RNF19B: variants seen among roughly 807,000 people sequenced by gnomAD.
RNF19B encodes E3 ubiquitin-protein ligase RNF19B.
A neutral mutation model predicts 65.5 loss-of-function variants in RNF19B; 23 were observed. That is an observed-to-expected ratio of 0.35 (90% confidence interval 0.25 to 0.50). The LOEUF is 0.50. Among genes scored for constraint, RNF19B ranks in the 20% least tolerant of loss-of-function variants. The probability of loss-of-function intolerance (pLI) is 0.98; values close to 1 mark genes in which losing one functional copy is unlikely to be tolerated. For synonymous variants in RNF19B, 372 were observed against 379.6 expected, an observed-to-expected ratio of 0.98 and a Z score of 0.23; for missense variants, 794 against 980.0, an observed-to-expected ratio of 0.81 and a Z score of 2.53.
downstream of RNF19B, among the ~76,000 whole-genome samples, chr1:32,933,329 A>G (rs1281273409): frequency 6.6e-6 from 1 of 151,252 alleles, no homozygotes; most frequent in Non-Finnish European, 1.5e-5. Flanking sequence ...ATCTCAGCTC[A>G]CTGCAAGCTT....
At chr1:32,956,475 G>A (rs1394264784) in intron 1 of RNF19B, among the ~76,000 whole-genome samples, 1 of 152,174 alleles carries the variant, frequency 6.6e-6, no homozygotes, top group African/African-American at 2.4e-5. Flanking sequence ...GGCTGAGGTG[G>A]GAGGATCACC....
rs375806177 is a variant in RNF19B at position 32,947,658 on chromosome 1, T to TA, written c.983+563dup. On this transcript the variant is annotated intron_variant, in intron 3 of 8. Coordinates refer to ENST00000235150, the MANE Select transcript of RNF19B (RefSeq NM_001300826.2). ...TGGGCGACAGAGAGAAACTCTGTCT[T>TA]AAAAAAAAAAAAAAAAAGAATTCAC... Among the ~76,000 whole-genome samples the TA allele has an allele frequency of 8.6e-3, 1,082 of 125,708 alleles. 7 individuals carry two copies. The highest frequency in any genetic ancestry group is 0.024 in the African/African-American group (830 of 33,918). 82.5% of individuals were successfully genotyped at this position (125,708 alleles called of 152,430 possible).
At position 32,948,379 on chromosome 1, in the gene RNF19B, G is replaced by T; in HGVS notation, c.842-16C>A. ...TTGATGTCATCTGCTATGAGTGGGG[G>T]AAGAATGGGTAGAAAAAATACCCCT... On this transcript the variant is annotated splice_polypyrimidine_tract_variant and intron_variant, in intron 2 of 8. Coordinates refer to ENST00000235150, the MANE Select transcript of RNF19B (RefSeq NM_001300826.2). 1 of 1,607,364 alleles carries T rather than the reference G, an allele frequency of 6.2e-7. No homozygotes were observed. The highest frequency in any genetic ancestry group is 8.5e-7 in the Non-Finnish European group (1 of 1,175,346).
intron 7 of RNF19B, among the ~76,000 whole-genome samples, chr1:32,941,798 T>C (rs971588388): frequency 2.0e-5 from 3 of 150,670 alleles, no homozygotes; most frequent in African/African-American, 7.3e-5. Flanking sequence ...TTCCTATTTG[T>C]AAAAGTAAAA....
chr1:32,960,036 G>A (rs1007658671), intron 1 of RNF19B, among the ~76,000 whole-genome samples: 3 of 151,530 alleles, frequency 2.0e-5, no homozygotes, highest in African/African-American at 4.8e-5. Flanking sequence ...GGGTGACAGA[G>A]CGAGACTCCG....
Position 32,941,203 on chromosome 1 carries a change from A to G in RNF19B, c.1610+1049T>C, listed in dbSNP as rs187590764. Among the ~76,000 whole-genome samples the G allele has an allele frequency of 7.4e-4, 113 of 152,026 alleles. 1 individual carries two copies. Among genetic ancestry groups the G allele is most frequent in the East Asian group, 3.9e-4 (2 of 5,174 alleles). On this transcript the variant is annotated intron_variant, in intron 7 of 8. Transcript: ENST00000235150. ...GTGCCACTGCATTCCAGCCTGGATG[A>G]CACAGTGAGAAAAAAAACAAAAAAA...
Position 32,964,444 on chromosome 1 carries a change from G to A in RNF19B, c.242C>T (p.Pro81Leu), listed in dbSNP as rs1406742467. The A allele has an allele frequency of 4.6e-6, 5 of 1,094,422 alleles. No individual in the cohort carries two copies. The highest frequency in any genetic ancestry group is 7.8e-4 in the Middle Eastern group (2 of 2,574). The allele number at this position is 1,094,422 out of a possible 1,614,324, so 67.8% of individuals were successfully genotyped here. A position where few individuals can be genotyped will look rare whatever the true frequency, so the allele number is the denominator to read the frequency against. The change falls in exon 1 of 9, where the codon CCC (proline) becomes CTC (leucine). Residue 81 changes from proline to leucine, a missense_variant. Around this residue, in one of 3 missense-constraint regions of RNF19B, gnomAD observed 374 missense variants for 423.8 expected, o/e 0.88. Coordinates refer to ENST00000235150, the MANE Select transcript of RNF19B (RefSeq NM_001300826.2). The surrounding 1 kb of genome is among the most constrained non-coding windows in gnomAD (Gnocchi z 6.5). ...CTCGGCCTCGGCGGCCGGCTCGGCG[G>A]GCAGCGCCTCGGGCGGCGGGCCCTG... ...AAQGPPPEAL[P>L]AEPAAEAEAE...
At chr1:32,931,285 G>C in the RNF19B span, among the ~76,000 whole-genome samples, 1 of 152,072 alleles carries the variant, frequency 6.6e-6, no homozygotes, top group Admixed American at 6.6e-5. Context: ...CAATTCTTCT[G>C]TAAGTCTCTC....
chr1:32,944,779 C>T (rs1171647367), intron 5 of RNF19B, among the ~76,000 whole-genome samples: 1 of 152,022 alleles, frequency 6.6e-6, no homozygotes, highest in Non-Finnish European at 1.5e-5. Context: ...AGCTCCGCCT[C>T]CCAGGTTCAC....
intron 2 of RNF19B, among the ~76,000 whole-genome samples, chr1:32,948,822 T>C (rs571869228): frequency 3.1e-4 from 47 of 152,360 alleles, no homozygotes; most frequent in African/African-American, 7.2e-4. Context: ...GCTGTTAACA[T>C]AGCCCACAAT....
Position 32,947,457 on chromosome 1 carries a change from G to A in RNF19B, c.983+765C>T, listed in dbSNP as rs548374041. 3.6e-3 allele frequency among the ~76,000 whole-genome samples: 547 copies of A among 152,212 alleles called. 4 individuals carry two copies. The highest frequency in any genetic ancestry group is 5.5e-3 in the Non-Finnish European group (375 of 67,992). On this transcript the variant is annotated intron_variant, in intron 3 of 8. Coordinates refer to ENST00000235150, the MANE Select transcript of RNF19B (RefSeq NM_001300826.2). ...GGCGGACCACCTGAGGTTCGAGTTC[G>A]AGACCAGGCTGGCTAACATGGTGAA... is the stretch of plus-strand genomic sequence containing the variant.
At chr1:32,938,374 TG>T (rs768841592) in intron 8 of RNF19B, 22 bp downstream of exon 8, 2 of 1,614,020 alleles carry the variant, frequency 1.2e-6, no homozygotes, top group Non-Finnish European at 1.7e-6. Flanking sequence ...CAACCTCTCC[TG>T]GACATCTGAC....
chr1:32,934,303 T>G (rs1642063540), downstream of RNF19B, among the ~76,000 whole-genome samples: 1 of 152,236 alleles, frequency 6.6e-6, no homozygotes, highest in Admixed American at 6.5e-5. Flanking sequence ...GAAAGTCATC[T>G]GGTCTTCAGG....
At chr1:32,936,199 C>G, downstream of RNF19B, among the ~76,000 whole-genome samples, 1 of 152,236 alleles carries the variant, frequency 6.6e-6, no homozygotes. Flanking sequence ...TAGTTTTAAT[C>G]TACTGCTTCC....
At chr1:32,955,448 G>A (rs1293620597) in intron 1 of RNF19B, among the ~76,000 whole-genome samples, 2 of 151,590 alleles carry the variant, frequency 1.3e-5, no homozygotes, top group African/African-American at 4.8e-5. Context: ...AAAAAACCTC[G>A]CCTGGGCATG....
At chr1:32,960,938 A>G (rs548989847) in intron 1 of RNF19B, among the ~76,000 whole-genome samples, 88 of 152,186 alleles carry the variant, frequency 5.8e-4, no homozygotes, top group African/African-American at 2.0e-3. Context: ...GCCTGAGCCC[A>G]GGAGATTGAG....
In RNF19B at chr1:32,964,595, G is replaced by A. The variant is rs1438949338; in HGVS notation, c.91C>T (p.Arg31Trp). The A allele has an allele frequency of 1.3e-5, 19 of 1,450,192 alleles. No homozygotes were observed. The highest frequency in any genetic ancestry group is 1.5e-5 in the Non-Finnish European group (17 of 1,104,222). The allele number at this position is 1,450,192 out of a possible 1,614,324, so 89.8% of individuals were successfully genotyped here. ...AAGACGCTGTGCAAGGTGAGGCGCC[G>A]GCGCCGGCCGCCGCTGCGGCACTTA... Reference protein sequence around the residue: ...DPKCRSGGRRRRLTLHSVFSA... With the variant: ...DPKCRSGGRRWRLTLHSVFSA... The change falls in exon 1 of 9, where the codon CGG becomes TGG. Residue 31 changes from arginine to tryptophan, a missense_variant. Arg to Trp is a moderately radical substitution (Grantham distance 101, BLOSUM62 -3). Around this residue, in one of 3 missense-constraint regions of RNF19B, gnomAD observed 374 missense variants for 423.8 expected, o/e 0.88. Coordinates refer to ENST00000235150, the MANE Select transcript of RNF19B (RefSeq NM_001300826.2). This position sits in a 1 kb window ranked among gnomAD's most constrained non-coding sequence, Gnocchi z 6.5.
chr1:32,943,218 T>C (rs968679746), intron 6 of RNF19B, among the ~76,000 whole-genome samples: 1 of 152,048 alleles, frequency 6.6e-6, no homozygotes, highest in Non-Finnish European at 1.5e-5. Context: ...CCTACGTTAC[T>C]TACTACGAGT....
In RNF19B at chr1:32,936,948, C is replaced by A; in HGVS notation, c.2054G>T (p.Gly685Val). 1 of 1,614,036 alleles carries A rather than the reference C, an allele frequency of 6.2e-7. No homozygotes were observed. Among genetic ancestry groups the A allele is most frequent in the Non-Finnish European group, 8.5e-7 (1 of 1,179,996 alleles). The change falls in exon 9 of 9, where the codon GGC becomes GTC. Residue 685 changes from glycine (G) to valine (V), a missense_variant. This residue lies in a region of RNF19B where 368 missense variants were observed against 447.3 expected (regional missense o/e 0.82). Coordinates refer to ENST00000235150, the MANE Select transcript of RNF19B (RefSeq NM_001300826.2). ...DVPDITSDEC[G>V]SPRSHTAACP... Reference sequence around the variant, plus strand: ...GGCTGCAGTATGGGAGCGGGGGGAGCCACACTCATCTGAGGTGATGTCTGG... The same window carrying A: ...GGCTGCAGTATGGGAGCGGGGGGAGACACACTCATCTGAGGTGATGTCTGG...
Sources: gnomAD v4.1 joint callset for allele counts (sites outside exome capture counted in the v4.1 genomes callset) on GRCh38, gnomAD v4.1.1 for gene constraint, gnomAD v4.1.1 regional missense constraint, Gnocchi (gnomAD v3.1) non-coding constraint, MANE v1.5 for transcripts, NCBI Gene and HGNC (gene_info 2026-07-23, HGNC 2026-07-21) for gene names.